The following THRB variants were observed in gnomAD, a reference collection of about 807,000 sequenced individuals.
The protein encoded by THRB is thyroid hormone receptor beta.
In THRB, 12 loss-of-function variants were observed where a neutral mutation model predicts 47.8. That is an observed-to-expected ratio of 0.25 (90% CI 0.16 to 0.41). THRB has a LOEUF of 0.41. THRB is among the 10% of genes least tolerant of loss of function. The pLI, the probability that THRB is intolerant of heterozygous loss-of-function variation, is 1.00. For missense variants in THRB, 348 were observed against 589.2 expected, an observed-to-expected ratio of 0.59 and a Z score of 4.24; for synonymous variants, 218 against 212.2, an observed-to-expected ratio of 1.03 and a Z score of -0.24.
At position 24,212,469 on chromosome 3, in the gene THRB, C is replaced by G. The variant is rs190192880; in HGVS notation, c.22+16469G>C. Among the ~76,000 whole-genome samples, 357 of 147,470 alleles carry G rather than the reference C, an allele frequency of 2.4e-3. 1 individual carries two copies. Among genetic ancestry groups the G allele is most frequent in the Non-Finnish European group, 3.3e-3 (220 of 67,252 alleles). On this transcript the variant is annotated intron_variant, in intron 4 of 10. Coordinates refer to ENST00000646209, the MANE Select transcript of THRB (RefSeq NM_001354712.2). ...TGGTGGCGGGCACCTGTAATCCCAG[C>G]TACTCCGGAGGCTGAGGAAAATCAC...
chr3:24,412,521 G>T (rs972568053), intron 1 of THRB, among the ~76,000 whole-genome samples: 21 of 151,776 alleles, frequency 1.4e-4, no homozygotes, highest in African/African-American at 4.6e-4. Context: ...TAAAAGTACA[G>T]ATGGATTAAA....
intron 1 of THRB, among the ~76,000 whole-genome samples, chr3:24,472,267 G>C (rs768512096): frequency 2.6e-5 from 4 of 152,096 alleles, no homozygotes; most frequent in Non-Finnish European, 4.4e-5. Context: ...TAAAAATGTT[G>C]AGGATCTTTG....
At chr3:24,177,537 A>C (rs1575613485) in intron 5 of THRB, among the ~76,000 whole-genome samples, 2 of 152,376 alleles carry the variant, frequency 1.3e-5, no homozygotes, top group African/African-American at 4.8e-5. Flanking sequence ...CAGAAGCCAC[A>C]ATTAAATAAG....
chr3:24,128,861 C>CTTTTTTTT (rs2033354063), intron 9 of THRB, among the ~76,000 whole-genome samples: 2 of 58,278 alleles, frequency 3.4e-5, no homozygotes, highest in South Asian at 1.1e-3. Flanking sequence ...GGAAACATAA[C>CTTTTTTTT]TCTTTTTTTT....
intron 10 of THRB, among the ~76,000 whole-genome samples, chr3:24,127,119 C>T (rs6769645): frequency 0.29 from 44,809 of 152,110 alleles, 6,818 homozygotes; most frequent in African/African-American, 0.35. Flanking sequence ...CCTGCATCCG[C>T]GGTTTCCACA....
At chr3:24,290,360 C>T in intron 3 of THRB, among the ~76,000 whole-genome samples, 1 of 152,134 alleles carries the variant, frequency 6.6e-6, no homozygotes, top group Non-Finnish European at 1.5e-5. Context: ...AGGCACCAGG[C>T]CGAGACCCTC....
At chr3:24,160,707 A>G (rs556902972) in intron 5 of THRB, among the ~76,000 whole-genome samples, 1 of 152,266 alleles carries the variant, frequency 6.6e-6, no homozygotes, top group Non-Finnish European at 1.5e-5. Flanking sequence ...TAAAAGCTGG[A>G]GCAGAGTGGG....
intron 1 of THRB, among the ~76,000 whole-genome samples, chr3:24,356,595 T>C (rs564111245): frequency 3.0e-4 from 46 of 152,182 alleles, no homozygotes; most frequent in Non-Finnish European, 6.2e-4. Context: ...CCACTAGAAC[T>C]GCCCTTAAAG....
intron 1 of THRB, among the ~76,000 whole-genome samples, chr3:24,450,516 T>C (rs1051579752): frequency 2.0e-5 from 3 of 152,234 alleles, no homozygotes; most frequent in Admixed American, 6.5e-5. Context: ...TATTCTTTAC[T>C]TTAAAAATGT....
chr3:24,194,332 A>G lies in THRB; in HGVS notation c.23-3998T>C, dbSNP rs150960085. 4.9e-5 allele frequency among the ~76,000 whole-genome samples: 6 copies of G among 122,338 alleles called. No homozygotes were observed. The East Asian group carries it at 9.4e-4, about 19-fold the overall frequency. 80.3% of individuals were successfully genotyped at this position (122,338 alleles called of 152,430 possible). Reference sequence around the variant, plus strand: ...GAGCATTATCTGGGACACAATGCACACAGTAGTAGAAGTAATATTTTTTTT... The same window carrying G: ...GAGCATTATCTGGGACACAATGCACGCAGTAGTAGAAGTAATATTTTTTTT... On this transcript the variant is annotated intron_variant, in intron 4 of 10. Coordinates refer to ENST00000646209, the MANE Select transcript of THRB (RefSeq NM_001354712.2).
At chr3:24,124,756 T>C (rs2032404721) in intron 10 of THRB, among the ~76,000 whole-genome samples, 1 of 152,212 alleles carries the variant, frequency 6.6e-6, no homozygotes. Context: ...GTCTAAGATA[T>C]TGTGTAACCG....
chr3:24,456,737 A>G (rs1465917902), intron 1 of THRB, among the ~76,000 whole-genome samples: 3 of 151,864 alleles, frequency 2.0e-5, no homozygotes, highest in Admixed American at 2.0e-4. Flanking sequence ...TGCTTATCTG[A>G]TAATATAAGA....
At chr3:24,279,529 C>T (rs891757340) in intron 3 of THRB, among the ~76,000 whole-genome samples, 49 of 151,334 alleles carry the variant, frequency 3.2e-4, no homozygotes, top group Non-Finnish European at 5.9e-4. Context: ...GGACTACAGG[C>T]GCCCGCCACC....
intron 2 of THRB, among the ~76,000 whole-genome samples, chr3:24,336,803 G>A (rs1198796261): frequency 6.7e-6 from 1 of 149,900 alleles, no homozygotes; most frequent in African/African-American, 2.5e-5. Flanking sequence ...CTCACTGCAA[G>A]CTCCGCCTCC....
At chr3:24,333,170 C>T (rs1277484904) in intron 2 of THRB, among the ~76,000 whole-genome samples, 1 of 152,058 alleles carries the variant, frequency 6.6e-6, no homozygotes, top group Non-Finnish European at 1.5e-5. Context: ...ACAGCTCTTA[C>T]AAGCAGTTTG....
intron 5 of THRB, among the ~76,000 whole-genome samples, chr3:24,175,133 T>G (rs966537666): frequency 2.0e-5 from 3 of 152,230 alleles, no homozygotes; most frequent in African/African-American, 7.2e-5. Context: ...TGCTGGATGT[T>G]TAGTCCATGA....
chr3:24,181,951 C>T (rs1418620907), intron 5 of THRB, among the ~76,000 whole-genome samples: 1 of 152,176 alleles, frequency 6.6e-6, no homozygotes, highest in Non-Finnish European at 1.5e-5. Context: ...CCTGTAATCC[C>T]AGCACTTTGG....
chr3:24,238,517 T>A (rs1003676442), intron 3 of THRB, among the ~76,000 whole-genome samples: 6 of 152,196 alleles, frequency 3.9e-5, no homozygotes, highest in East Asian at 3.9e-4. Flanking sequence ...TAAAAAGAGT[T>A]TGATAATGAG....
chr3:24,144,377 G>A (rs561101024), intron 7 of THRB: 1 of 153,126 alleles, frequency 6.5e-6, no homozygotes, highest in African/African-American at 2.4e-5. Context: ...AAAGACTTGG[G>A]TTTGAATTCT....
Sources: allele counts gnomAD v4.1 joint callset (sites outside exome capture counted in the v4.1 genomes callset), GRCh38; gene constraint gnomAD v4.1.1; transcripts MANE v1.5; gene names NCBI Gene and HGNC (gene_info 2026-07-23, HGNC 2026-07-21).